B3GAT2: variants seen among roughly 807,000 people sequenced by gnomAD.
B3GAT2 encodes galactosylgalactosylxylosylprotein 3-beta-glucuronosyltransferase 2.
Under a neutral mutation model 27.8 loss-of-function variants are expected in B3GAT2, and 26 were observed. That is an observed-to-expected ratio of 0.93 (90% CI 0.68 to 1.30). The LOEUF is 1.30. B3GAT2 is among the 50% of genes most tolerant of loss of function. The probability of loss-of-function intolerance (pLI) is 0.00; values close to 1 mark genes in which losing one functional copy is unlikely to be tolerated. For missense variants in B3GAT2, 458 were observed against 459.0 expected (o/e 1.00, Z 0.02); for synonymous variants, 218 against 195.1 (o/e 1.12, Z -0.98).
intron 1 of B3GAT2, among the ~76,000 whole-genome samples, chr6:70,904,740 A>G (rs990369204): frequency 6.6e-6 from 1 of 152,360 alleles, no homozygotes; most frequent in Middle Eastern, 3.4e-3. Context: ...AAACTGACCC[A>G]TAAGTCTATA....
chr6:70,888,449 T>C (rs1267528720), intron 2 of B3GAT2, among the ~76,000 whole-genome samples: 2 of 152,172 alleles, frequency 1.3e-5, no homozygotes, highest in African/African-American at 2.4e-5. Context: ...TCTAAGTGTC[T>C]GCTGATTTAG....
At chr6:70,875,274 CT>C (rs1208965706) in intron 2 of B3GAT2, among the ~76,000 whole-genome samples, 1 of 152,108 alleles carries the variant, frequency 6.6e-6, no homozygotes, top group African/African-American at 2.4e-5. Flanking sequence ...TACTTAACTA[CT>C]TTTTTTTCCC....
chr6:70,863,242 A>G (rs1045227985), intron 2 of B3GAT2, among the ~76,000 whole-genome samples: 1 of 152,188 alleles, frequency 6.6e-6, no homozygotes, highest in African/African-American at 2.4e-5. Flanking sequence ...TTGATTTATG[A>G]TTCAGTTTGC....
intron 1 of B3GAT2, among the ~76,000 whole-genome samples, chr6:70,925,517 G>A (rs1016346897): frequency 1.2e-4 from 19 of 152,178 alleles, no homozygotes; most frequent in African/African-American, 3.6e-4. Context: ...CTGGCTCGGC[G>A]GTTCCCACAC....
intron 1 of B3GAT2, among the ~76,000 whole-genome samples, chr6:70,898,491 C>A (rs1314819616): frequency 6.6e-6 from 1 of 152,020 alleles, no homozygotes; most frequent in Non-Finnish European, 1.5e-5. Context: ...TTAAACATGG[C>A]AAACACAGAG....
At chr6:70,873,078 CA>C (rs1234237131) in intron 2 of B3GAT2, among the ~76,000 whole-genome samples, 2 of 152,036 alleles carry the variant, frequency 1.3e-5, no homozygotes. Context: ...TTTTTCAAAA[CA>C]GGAGAAAAGA....
intron 1 of B3GAT2, among the ~76,000 whole-genome samples, chr6:70,930,413 G>A (rs1490642862): frequency 6.6e-6 from 1 of 152,202 alleles, no homozygotes. Flanking sequence ...GCAACCCACA[G>A]AATGGGAGAA....
Position 70,859,545 on chromosome 6 carries a change from T to G in B3GAT2, c.*2118A>C, listed in dbSNP as rs766569141. The G allele has an allele frequency of 1.5e-5, 9 of 600,620 alleles. No homozygotes were observed. The highest frequency in any genetic ancestry group is 2.5e-5 in the Non-Finnish European group (9 of 363,430). The allele number at this position is 600,620 out of a possible 1,614,324, so 37.2% of individuals were successfully genotyped here. On this transcript the variant is annotated 3_prime_UTR_variant, in exon 4 of 4. Coordinates refer to ENST00000230053, the MANE Select transcript of B3GAT2 (RefSeq NM_080742.3). ...ATTAAGAACACAGTCTAACTCTGAGTGTAAGTTTTAAACCCACTCACTATA... is the reference window on the plus strand; with the variant it reads ...ATTAAGAACACAGTCTAACTCTGAGGGTAAGTTTTAAACCCACTCACTATA...
intron 2 of B3GAT2, among the ~76,000 whole-genome samples, chr6:70,876,846 A>G (rs1156241656): frequency 6.6e-6 from 1 of 152,184 alleles, no homozygotes; most frequent in Non-Finnish European, 1.5e-5. Flanking sequence ...CAGATGCTAT[A>G]AAAGGTGTAA....
At chr6:70,915,792 T>A (rs560130332) in intron 1 of B3GAT2, among the ~76,000 whole-genome samples, 17 of 152,328 alleles carry the variant, frequency 1.1e-4, no homozygotes, top group Non-Finnish European at 2.4e-4. Context: ...AACATGCTGT[T>A]TTGGTTACTG....
At position 70,860,178 on chromosome 6, in the gene B3GAT2, A is replaced by C. The variant is rs1258338822; in HGVS notation, c.*1485T>G. 6.3e-7 allele frequency: 1 copy of C among 1,588,382 alleles called. No homozygotes were observed. Among genetic ancestry groups the C allele is most frequent in the Non-Finnish European group, 8.6e-7 (1 of 1,168,552 alleles). ...AAAAGTGAAGTAAGCCTCTTGAACT[A>C]AGCCTTTTATATGTTTCACAGATGA... On this transcript the variant is annotated 3_prime_UTR_variant, in exon 4 of 4. Transcript: ENST00000230053.
chr6:70,872,206 A>G (rs1049628585), intron 2 of B3GAT2, among the ~76,000 whole-genome samples: 2 of 151,898 alleles, frequency 1.3e-5, no homozygotes, highest in African/African-American at 4.8e-5. Flanking sequence ...TGTTTGTTAC[A>G]TCTAATTGAT....
At chr6:70,878,854 C>T (rs2150025982) in intron 2 of B3GAT2, among the ~76,000 whole-genome samples, 1 of 152,080 alleles carries the variant, frequency 6.6e-6, no homozygotes, top group East Asian at 1.9e-4. Flanking sequence ...TGAATTAAAG[C>T]CTCTCTCTGC....
intron 1 of B3GAT2, among the ~76,000 whole-genome samples, chr6:70,941,356 A>C (rs1043608242): frequency 1.3e-5 from 2 of 152,300 alleles, no homozygotes; most frequent in Non-Finnish European, 2.9e-5. Context: ...GAGCACTTAA[A>C]ACAATCACTC....
intron 1 of B3GAT2, among the ~76,000 whole-genome samples, chr6:70,936,647 A>G (rs1303737348): frequency 6.6e-6 from 1 of 151,714 alleles, no homozygotes; most frequent in East Asian, 1.9e-4. Context: ...CTGCTCCTGA[A>G]TGACTACTGG....
At position 70,956,297 on chromosome 6, in the gene B3GAT2, C is replaced by G. The variant is rs778098066; in HGVS notation, c.133G>C (p.Val45Leu). ...TPRPYFSPYA[V>L]GRGGARLPLR... is the part of the protein sequence containing the mutation. ...GGGAGTCGGGCGCCCCCGCGGCCCA[C>G]CGCGTAGGGAGAGAAGTAGGGGCGC... The change falls in exon 1 of 4, where the codon GTG becomes CTG. Residue 45 changes from valine (V) to leucine (L), a missense_variant. Physicochemically the swap from Val to Leu is conservative, Grantham distance 32. Coordinates refer to ENST00000230053, the MANE Select transcript of B3GAT2 (RefSeq NM_080742.3). 6.2e-7 allele frequency: 1 copy of G among 1,600,068 alleles called. No individual in the cohort carries two copies. Among genetic ancestry groups the G allele is most frequent in the African/African-American group, 1.3e-5 (1 of 74,738 alleles).
chr6:70,949,131 G>A (rs970350406), intron 1 of B3GAT2, among the ~76,000 whole-genome samples: 2 of 152,010 alleles, frequency 1.3e-5, no homozygotes, highest in African/African-American at 4.8e-5. Flanking sequence ...TTACCATTCA[G>A]GACATAGGCA....
chr6:70,875,990 C>T (rs1582345139), intron 2 of B3GAT2, among the ~76,000 whole-genome samples: 2 of 152,170 alleles, frequency 1.3e-5, no homozygotes, highest in Non-Finnish European at 2.9e-5. Flanking sequence ...GTTTAATTAA[C>T]TGAATACGGA....
chr6:70,906,622 G>A (rs1772606666), intron 1 of B3GAT2, among the ~76,000 whole-genome samples: 1 of 152,178 alleles, frequency 6.6e-6, no homozygotes, highest in Non-Finnish European at 1.5e-5. Context: ...ATAGGCATGA[G>A]CCACTGCACC....
Sources: allele counts gnomAD v4.1 joint callset (sites outside exome capture counted in the v4.1 genomes callset), GRCh38; gene constraint gnomAD v4.1.1; transcripts MANE v1.5; gene names NCBI Gene and HGNC (gene_info 2026-07-23, HGNC 2026-07-21).